The following PTPRR variants were observed in gnomAD, a reference collection of about 807,000 sequenced individuals.
The protein encoded by PTPRR is receptor-type tyrosine-protein phosphatase R.
A neutral mutation model predicts 77.2 loss-of-function variants in PTPRR; 38 were observed. The observed-to-expected ratio is 0.49, with a 90% confidence interval of 0.38 to 0.65. The LOEUF is 0.65. Among genes scored for constraint, PTPRR ranks in the 30% least tolerant of loss-of-function variants. PTPRR has a pLI of 0.00. For missense variants in PTPRR, 744 were observed against 799.2 expected (o/e 0.93, Z 0.83); for synonymous variants, 299 against 283.1 (o/e 1.06, Z -0.57).
intron 10 of PTPRR, among the ~76,000 whole-genome samples, chr12:70,680,228 TA>T (rs1887604070): frequency 6.6e-6 from 1 of 152,380 alleles, no homozygotes; most frequent in African/African-American, 2.4e-5. Flanking sequence ...AGGCAATTTA[TA>T]AATTTCCATT....
rs1893467562 is a variant in PTPRR, at chr12:70,898,194, T to C, written c.59-5217A>G. On this transcript the variant is annotated intron_variant, in intron 1 of 13. Transcript: ENST00000283228. ...GAGAATCCATATGTAGAAACCTATG[T>C]AGATAACCTGAATTAAAGCAATTAG... Among the ~76,000 whole-genome samples, 4 of 149,376 alleles carry C rather than the reference T, an allele frequency of 2.7e-5. No individual in the cohort carries two copies. In the Admixed American group the frequency reaches 2.7e-4, roughly 10 times the overall value.
chr12:70,812,266 G>A (rs1409404653), intron 2 of PTPRR, among the ~76,000 whole-genome samples: 3 of 152,168 alleles, frequency 2.0e-5, no homozygotes, highest in African/African-American at 7.2e-5. Flanking sequence ...GCAGTAGAGT[G>A]GGTGAAAGAA....
rs1412256095 is a variant in PTPRR, at chr12:70,638,330, T to C, written c.*854A>G. 1.3e-5 allele frequency: 2 copies of C among 152,402 alleles called. No individual in the cohort carries two copies. Among genetic ancestry groups the C allele is most frequent in the Non-Finnish European group, 2.9e-5 (2 of 68,018 alleles). 9.4% of individuals were successfully genotyped at this position (152,402 alleles called of 1,614,324 possible). ...TGTTGAGAGAGAGATTCCAGGTAGATAGCATATTCAAAAATCCCTTCTTAG... is the reference window on the plus strand; with the variant it reads ...TGTTGAGAGAGAGATTCCAGGTAGACAGCATATTCAAAAATCCCTTCTTAG... On this transcript the variant is annotated 3_prime_UTR_variant, in exon 14 of 14. Coordinates refer to ENST00000283228, the MANE Select transcript of PTPRR (RefSeq NM_002849.4).
intron 2 of PTPRR, among the ~76,000 whole-genome samples, chr12:70,872,990 G>A (rs943592085): frequency 3.9e-5 from 6 of 152,106 alleles, no homozygotes; most frequent in Admixed American, 2.0e-4. Context: ...TAAAATCCTT[G>A]TGAGGGAAAC....
chr12:70,873,602 A>G (rs1041562051), intron 2 of PTPRR, among the ~76,000 whole-genome samples: 3 of 152,154 alleles, frequency 2.0e-5, no homozygotes, highest in African/African-American at 7.2e-5. Context: ...GAACAAAAAT[A>G]TGTGGAATCC....
intron 5 of PTPRR, among the ~76,000 whole-genome samples, chr12:70,752,375 A>C (rs1478125560): frequency 1.3e-5 from 2 of 152,146 alleles, no homozygotes. Context: ...TGACCTTTAC[A>C]TTGATGTTTT....
chr12:70,747,558 A>G lies in PTPRR; in HGVS notation c.739-1472T>C, dbSNP rs375981705. 2.8e-4 allele frequency among the ~76,000 whole-genome samples: 42 copies of G among 152,310 alleles called. 2 individuals carry two copies. The highest frequency in any genetic ancestry group is 1.7e-3 in the East Asian group (9 of 5,178). ...ATCTTGACCTTCTCAATTGTTCTTG[A>G]CAGGTCAATTTTATGATTTATATTA... On this transcript the variant is annotated intron_variant, in intron 5 of 13. Transcript: ENST00000283228.
chr12:70,909,501 C>CA (rs967879532), intron 1 of PTPRR, among the ~76,000 whole-genome samples: 29 of 151,580 alleles, frequency 1.9e-4, no homozygotes, highest in African/African-American at 6.5e-4. Flanking sequence ...TCAAACTTTA[C>CA]AAAAAAAAGG....
At position 70,840,133 on chromosome 12, in the gene PTPRR, T is replaced by G. The variant is rs920827329; in HGVS notation, c.357+52546A>C. On this transcript the variant is annotated intron_variant, in intron 2 of 13. Transcript: ENST00000283228. ...TGTAGGTCAGAAATCTGACACGGTC[T>G]TACTAGGCTAAAATCAAAGTATCAC... Among the ~76,000 whole-genome samples the G allele has an allele frequency of 5.9e-5, 9 of 152,162 alleles. No homozygotes were observed. The East Asian group carries it at 1.7e-3, about 29-fold the overall frequency.
At chr12:70,855,872 T>G (rs909567473) in intron 2 of PTPRR, among the ~76,000 whole-genome samples, 1 of 152,120 alleles carries the variant, frequency 6.6e-6, no homozygotes, top group Non-Finnish European at 1.5e-5. Flanking sequence ...CTATTTACAC[T>G]GGGAATTTGC....
chr12:70,901,331 T>G (rs923808138), intron 1 of PTPRR, among the ~76,000 whole-genome samples: 1 of 151,430 alleles, frequency 6.6e-6, no homozygotes, highest in African/African-American at 2.4e-5. Context: ...TTATTCACAA[T>G]AGCCAAGATA....
At chr12:70,824,520 A>G (rs1328116681) in intron 2 of PTPRR, among the ~76,000 whole-genome samples, 2 of 152,218 alleles carry the variant, frequency 1.3e-5, no homozygotes, top group Admixed American at 6.5e-5. Flanking sequence ...GGGCATTAAC[A>G]TACATGTGAA....
chr12:70,685,199 C>T (rs909321263), intron 8 of PTPRR, among the ~76,000 whole-genome samples: 6 of 152,206 alleles, frequency 3.9e-5, no homozygotes, highest in South Asian at 2.1e-4. Flanking sequence ...CATTTAGACC[C>T]TCAGGTCTGA....
chr12:70,668,007 G>A (rs1221107595), intron 10 of PTPRR, among the ~76,000 whole-genome samples: 5 of 152,088 alleles, frequency 3.3e-5, no homozygotes, highest in African/African-American at 1.2e-4. Flanking sequence ...TGAATAAACA[G>A]ATTCAACGTT....
intron 1 of PTPRR, among the ~76,000 whole-genome samples, chr12:70,895,222 G>GA (rs971077366): frequency 1.3e-5 from 2 of 151,338 alleles, no homozygotes; most frequent in African/African-American, 4.8e-5. Context: ...TAAATAAAAA[G>GA]AAAAAAGCAG....
At chr12:70,753,983 G>A (rs957089719) in intron 5 of PTPRR, among the ~76,000 whole-genome samples, 1 of 152,106 alleles carries the variant, frequency 6.6e-6, no homozygotes, top group Admixed American at 6.6e-5. Flanking sequence ...TGCAATTACA[G>A]CCTTATTATT....
intron 1 of PTPRR, among the ~76,000 whole-genome samples, chr12:70,899,439 C>G (rs564925146): frequency 9.2e-5 from 14 of 151,476 alleles, no homozygotes; most frequent in African/African-American, 3.4e-4. Flanking sequence ...ATCTACATAA[C>G]CCACTCTACT....
At chr12:70,901,845 G>A (rs775443664) in intron 1 of PTPRR, among the ~76,000 whole-genome samples, 6 of 151,612 alleles carry the variant, frequency 4.0e-5, no homozygotes, top group Non-Finnish European at 7.4e-5. Flanking sequence ...CCACAGAGTG[G>A]GAGAAAATCT....
chr12:70,832,467 C>T (rs1015618667), intron 2 of PTPRR, among the ~76,000 whole-genome samples: 1 of 152,134 alleles, frequency 6.6e-6, no homozygotes, highest in Non-Finnish European at 1.5e-5. Context: ...GAACATGATA[C>T]ATTTGGAGAA....
Sources: allele counts gnomAD v4.1 joint callset (sites outside exome capture counted in the v4.1 genomes callset), GRCh38; gene constraint gnomAD v4.1.1; transcripts MANE v1.5; gene names NCBI Gene and HGNC (gene_info 2026-07-23, HGNC 2026-07-21).